ZBTB44: variants seen among roughly 807,000 people sequenced by gnomAD.
ZBTB44 encodes the protein zinc finger and BTB domain containing 44.
Under a neutral mutation model 54.0 loss-of-function variants are expected in ZBTB44, and 15 were observed. The observed-to-expected ratio is 0.28, with a 90% CI of 0.19 to 0.43. ZBTB44 has a LOEUF of 0.43. Among genes scored for constraint, ZBTB44 ranks in the 20% least tolerant of loss-of-function variants. The probability of loss-of-function intolerance (pLI) is 1.00; values close to 1 mark genes in which losing one functional copy is unlikely to be tolerated. For synonymous variants in ZBTB44, 230 were observed against 250.1 expected (o/e 0.92, Z 0.76); for missense variants, 487 against 707.1 (o/e 0.69, Z 3.53).
intron 2 of ZBTB44, among the ~76,000 whole-genome samples, chr11:130,255,485 A>G (rs1366643006): frequency 6.6e-6 from 1 of 152,182 alleles, no homozygotes; most frequent in Admixed American, 6.5e-5. Flanking sequence ...TAACATCACA[A>G]TTAAAAGAAC....
chr11:130,294,195 G>T (rs2134388114), intron 1 of ZBTB44, among the ~76,000 whole-genome samples: 1 of 151,994 alleles, frequency 6.6e-6, no homozygotes, highest in Non-Finnish European at 1.5e-5. Context: ...GATCTCTTGA[G>T]GCCAGGAGTT....
At chr11:130,293,289 T>G (rs1375004248) in intron 1 of ZBTB44, among the ~76,000 whole-genome samples, 1 of 133,902 alleles carries the variant, frequency 7.5e-6, no homozygotes, top group East Asian at 2.2e-4. Flanking sequence ...CAGAGAGAAC[T>G]TGTCTCTACT....
intron 4 of ZBTB44, 78 bp downstream of exon 4, chr11:130,238,366 T>G (rs1217154384): frequency 3.5e-6 from 5 of 1,410,498 alleles, no homozygotes; most frequent in Non-Finnish European, 3.7e-6. Flanking sequence ...GAAGCCCCTG[T>G]TTTCTATTTT....
At chr11:130,266,600 G>C (rs1315269471) in intron 1 of ZBTB44, among the ~76,000 whole-genome samples, 1 of 152,192 alleles carries the variant, frequency 6.6e-6, no homozygotes, top group African/African-American at 2.4e-5. Flanking sequence ...TGACATTCAT[G>C]GGAGGAGGTC....
rs1157097423 is a variant in ZBTB44, at chr11:130,227,622, T to C, written c.*4142A>G. ...CATCAGTCACCCATCTGGAAGACCA[T>C]GGTGTACAGTTTCCGCCTAGGCTGG... On this transcript the variant is annotated 3_prime_UTR_variant, in exon 8 of 8. Transcript: ENST00000357899. The C allele has an allele frequency of 6.6e-6, 1 of 152,202 alleles. No individual in the cohort carries two copies. The highest frequency in any genetic ancestry group is 1.5e-5 in the Non-Finnish European group (1 of 68,036). The allele number at this position is 152,202 out of a possible 1,614,324, so 9.4% of individuals were successfully genotyped here. A position where few individuals can be genotyped will look rare whatever the true frequency, so the allele number is the denominator to read the frequency against.
chr11:130,272,224 C>T (rs184866343), intron 1 of ZBTB44, among the ~76,000 whole-genome samples: 21 of 150,708 alleles, frequency 1.4e-4, no homozygotes, highest in South Asian at 8.3e-4. Context: ...AACGAGACTC[C>T]GTCTCCAAAA....
intron 1 of ZBTB44, among the ~76,000 whole-genome samples, chr11:130,311,391 T>C (rs148769318): frequency 0.014 from 2,108 of 152,112 alleles, 39 homozygotes; most frequent in African/African-American, 0.04. Context: ...TTATTTTTTA[T>C]AGAGATGGGG....
intron 1 of ZBTB44, among the ~76,000 whole-genome samples, chr11:130,295,365 C>G (rs1941579136): frequency 6.6e-6 from 1 of 152,100 alleles, no homozygotes; most frequent in Non-Finnish European, 1.5e-5. Flanking sequence ...AATGGAGAAG[C>G]AGCAATGCAG....
At chr11:130,282,249 A>G (rs1435862524) in intron 1 of ZBTB44, among the ~76,000 whole-genome samples, 2 of 152,176 alleles carry the variant, frequency 1.3e-5, no homozygotes, top group African/African-American at 2.4e-5. Flanking sequence ...CCGTCTCTGG[A>G]GCTTTGTCAT....
intron 1 of ZBTB44, chr11:130,296,013 T>TA: frequency 6.4e-7 from 1 of 1,569,838 alleles, no homozygotes; most frequent in South Asian, 1.1e-5. Context: ...TCCCAGGGTT[T>TA]ATGTATAAAA....
At chr11:130,257,225 G>A (rs1165940647) in intron 2 of ZBTB44, among the ~76,000 whole-genome samples, 1 of 140,666 alleles carries the variant, frequency 7.1e-6, no homozygotes, top group Non-Finnish European at 1.5e-5. Context: ...TTCAGCACAT[G>A]CATCCCAGAT....
intron 2 of ZBTB44, among the ~76,000 whole-genome samples, chr11:130,243,987 T>C (rs1954512529): frequency 6.6e-6 from 1 of 152,156 alleles, no homozygotes; most frequent in Non-Finnish European, 1.5e-5. Context: ...TTACACACTC[T>C]GAGCTTTCAG....
intron 1 of ZBTB44, among the ~76,000 whole-genome samples, chr11:130,298,610 G>C (rs970858513): frequency 4.0e-5 from 6 of 151,602 alleles, no homozygotes; most frequent in African/African-American, 1.5e-4. Context: ...CTACAGGTAC[G>C]TGCCACCACG....
At chr11:130,283,966 T>A (rs12800981) in intron 1 of ZBTB44, among the ~76,000 whole-genome samples, 1 of 49,722 alleles carries the variant, frequency 2.0e-5, no homozygotes, top group Non-Finnish European at 3.1e-5. Flanking sequence ...TAAGACTCCA[T>A]CTCAAAAAAA....
At chr11:130,300,412 T>C (rs1430682490) in intron 1 of ZBTB44, among the ~76,000 whole-genome samples, 5 of 150,652 alleles carry the variant, frequency 3.3e-5, no homozygotes. Flanking sequence ...CCAAAATAAA[T>C]AGACAAAACA....
intron 1 of ZBTB44, among the ~76,000 whole-genome samples, chr11:130,291,650 T>G (rs1313800805): frequency 6.6e-6 from 1 of 152,216 alleles, no homozygotes; most frequent in Non-Finnish European, 1.5e-5. Flanking sequence ...TGGTGGTAGT[T>G]CTGTTGGGAC....
intron 2 of ZBTB44, among the ~76,000 whole-genome samples, chr11:130,254,233 T>C (rs1938252169): frequency 1.3e-5 from 2 of 152,024 alleles, no homozygotes; most frequent in Non-Finnish European, 2.9e-5. Context: ...CTAATTAAAC[T>C]AAAGAGCTTT....
At chr11:130,236,496 A>C (rs1052396647) in intron 5 of ZBTB44, 1 of 270,294 alleles carries the variant, frequency 3.7e-6, no homozygotes, top group Non-Finnish European at 6.7e-6. Flanking sequence ...TTTAAGGTCC[A>C]TTACAGAATT....
chr11:130,268,296 T>G (rs963579796), intron 1 of ZBTB44, among the ~76,000 whole-genome samples: 6 of 151,412 alleles, frequency 4.0e-5, no homozygotes, highest in African/African-American at 1.2e-4. Context: ...ACTTCATCAC[T>G]GTCTCATTAA....
Sources: gnomAD v4.1 joint callset for allele counts (sites outside exome capture counted in the v4.1 genomes callset) on GRCh38, gnomAD v4.1.1 for gene constraint, MANE v1.5 for transcripts, NCBI Gene and HGNC (gene_info 2026-07-23, HGNC 2026-07-21) for gene names.